The following ADCY2 variants were observed in gnomAD, a reference collection of about 807,000 sequenced individuals.
The protein encoded by ADCY2 is adenylate cyclase type 2.
Under a neutral mutation model 125.2 loss-of-function variants are expected in ADCY2, and 31 were observed. That is an observed-to-expected ratio of 0.25 (90% CI 0.19 to 0.33). The LOEUF (loss-of-function observed/expected upper bound fraction) is 0.33, where lower values mean the gene tolerates loss of function less well. Ranked by LOEUF, ADCY2 falls within the 10% of genes least tolerant of loss-of-function variation. The probability of loss-of-function intolerance (pLI) is 1.00; values close to 1 mark genes in which losing one functional copy is unlikely to be tolerated. For synonymous variants in ADCY2, 512 were observed against 548.4 expected (o/e 0.93, Z 0.93); for missense variants, 904 against 1,418.2 (o/e 0.64, Z 5.82).
At chr5:7,558,769 C>G (rs1157439591) in intron 3 of ADCY2, among the ~76,000 whole-genome samples, 1 of 152,124 alleles carries the variant, frequency 6.6e-6, no homozygotes, top group Admixed American at 6.5e-5. Flanking sequence ...TTTCTATGGC[C>G]AGAATGGTAT....
At chr5:7,405,338 G>A (rs930278341) in intron 1 of ADCY2, among the ~76,000 whole-genome samples, 1 of 150,498 alleles carries the variant, frequency 6.6e-6, no homozygotes, top group Non-Finnish European at 1.5e-5. Flanking sequence ...AATTATGTGG[G>A]TCAGGTCTTG....
chr5:7,731,881 G>T (rs1239149785), intron 14 of ADCY2, among the ~76,000 whole-genome samples: 1 of 152,204 alleles, frequency 6.6e-6, no homozygotes, highest in Non-Finnish European at 1.5e-5. Context: ...GGGATTACAG[G>T]TGTGAGCCAC....
chr5:7,406,568 G>A (rs1275583096), intron 1 of ADCY2, among the ~76,000 whole-genome samples: 1 of 152,198 alleles, frequency 6.6e-6, no homozygotes, highest in Admixed American at 6.5e-5. Flanking sequence ...TTAGGAGATA[G>A]TCCCCTTTTC....
In ADCY2 at chr5:7,520,866, A is replaced by G. The variant is rs1360134010; in HGVS notation, c.537A>G (p.Ala179=). 5 of 1,614,160 alleles carry G rather than the reference A, an allele frequency of 3.1e-6. No individual in the cohort carries two copies. Among genetic ancestry groups the G allele is most frequent in the Non-Finnish European group, 4.2e-6 (5 of 1,180,028 alleles). The change falls in exon 3 of 25, where the codon GCA becomes GCG. Residue 179 remains alanine, a synonymous_variant. Coordinates refer to ENST00000338316, the MANE Select transcript of ADCY2 (RefSeq NM_020546.3). ...TCGTGCTTAGCGTCTGCCTGTCTGC[A>G]ACACCGGGAGGCAAGGAGCACCTGG... ...HTIVLSVCLS[A]TPGGKEHLVW...
intron 2 of ADCY2, among the ~76,000 whole-genome samples, chr5:7,444,937 C>G (rs570194010): frequency 6.6e-6 from 1 of 152,078 alleles, no homozygotes; most frequent in Admixed American, 6.5e-5. Flanking sequence ...TGGTCTTGCC[C>G]GTTATTGGAT....
intron 4 of ADCY2, among the ~76,000 whole-genome samples, chr5:7,678,227 C>G (rs1218350029): frequency 6.6e-6 from 1 of 152,076 alleles, no homozygotes; most frequent in African/African-American, 2.4e-5. Flanking sequence ...TATTCATTCC[C>G]TTTTTGGCTC....
chr5:7,770,529 A>G (rs945451556), intron 17 of ADCY2, among the ~76,000 whole-genome samples: 2 of 152,228 alleles, frequency 1.3e-5, no homozygotes, highest in Non-Finnish European at 2.9e-5. Flanking sequence ...AGAATTTACA[A>G]GCTTCTCATG....
intron 2 of ADCY2, among the ~76,000 whole-genome samples, chr5:7,430,554 T>TGATATACTATATATATATAGTATATC (rs1561021458): frequency 1.6e-4 from 24 of 148,032 alleles, no homozygotes; most frequent in Admixed American, 5.4e-4. Context: ...TATAGTATAT[T>TGATATACTATATATATATAGTATATC]GATATACTAT....
At chr5:7,603,735 A>G (rs1737295903) in intron 3 of ADCY2, among the ~76,000 whole-genome samples, 1 of 97,866 alleles carries the variant, frequency 1.0e-5, no homozygotes, top group Admixed American at 1.1e-4. Context: ...AGGTTCCAGT[A>G]TGGCATCTGC....
chr5:7,445,134 G>A (rs1211249562), intron 2 of ADCY2, among the ~76,000 whole-genome samples: 1 of 152,128 alleles, frequency 6.6e-6, no homozygotes, highest in Non-Finnish European at 1.5e-5. Context: ...AGTGTGTTTG[G>A]AGACATATTT....
chr5:7,661,914 T>C (rs1458127547), intron 4 of ADCY2, among the ~76,000 whole-genome samples: 3 of 152,220 alleles, frequency 2.0e-5, no homozygotes, highest in Non-Finnish European at 4.4e-5. Flanking sequence ...ACATTTCTAA[T>C]TGCATGCTTT....
chr5:7,499,654 T>TATAC (rs1342200337), intron 2 of ADCY2, among the ~76,000 whole-genome samples: 2 of 38,156 alleles, frequency 5.2e-5, no homozygotes, highest in African/African-American at 9.8e-5. Flanking sequence ...GGTGGATATA[T>TATAC]ATATATATAT....
At chr5:7,779,306 A>G (rs1207436995) in intron 18 of ADCY2, among the ~76,000 whole-genome samples, 1 of 152,206 alleles carries the variant, frequency 6.6e-6, no homozygotes, top group Admixed American at 6.5e-5. Flanking sequence ...CTCGATATTT[A>G]GGCTCTTTTG....
chr5:7,425,076 C>T (rs1166204838), intron 2 of ADCY2, among the ~76,000 whole-genome samples: 1 of 152,156 alleles, frequency 6.6e-6, no homozygotes, highest in Non-Finnish European at 1.5e-5. Context: ...TTGAAGCCTG[C>T]CCAGTGCTGC....
At position 7,678,860 on chromosome 5, in the gene ADCY2, C is replaced by A. The variant is rs115871435; in HGVS notation, c.721-11831C>A. On this transcript the variant is annotated intron_variant, in intron 4 of 24. Transcript: ENST00000338316. Reference sequence around the variant, plus strand: ...CTCCTGGCTTCTGTCATTGAAAAATCAGATTATTTAATGAGTTCCTCAGTG... The same window carrying A: ...CTCCTGGCTTCTGTCATTGAAAAATAAGATTATTTAATGAGTTCCTCAGTG... Among the ~76,000 whole-genome samples the A allele has an allele frequency of 7.9e-3, 1,202 of 152,342 alleles. 14 individuals are homozygous for A. The highest frequency in any genetic ancestry group is 0.028 in the African/African-American group (1,149 of 41,580).
chr5:7,479,008 C>CT (rs1034521605), intron 2 of ADCY2, among the ~76,000 whole-genome samples: 2 of 152,010 alleles, frequency 1.3e-5, no homozygotes, highest in Non-Finnish European at 2.9e-5. Context: ...AAAGGCATAA[C>CT]TTTTTTCGCT....
intron 14 of ADCY2, among the ~76,000 whole-genome samples, chr5:7,727,875 C>T (rs944893843): frequency 7.2e-5 from 11 of 152,086 alleles, no homozygotes; most frequent in East Asian, 3.9e-4. Context: ...TGGTGAAAAA[C>T]GAATCGCTTT....
chr5:7,532,662 T>C, intron 3 of ADCY2, among the ~76,000 whole-genome samples: 1 of 152,254 alleles, frequency 6.6e-6, no homozygotes, highest in South Asian at 2.1e-4. Context: ...TTTGTTTTTG[T>C]TTTTTTAAGT....
chr5:7,757,602 C>CCGTGTTCAACATGGTAAGCCCCATAGCAT lies in ADCY2; in HGVS notation c.2094+16_2094+17insCGTGTTCAACATGGTAAGCCCCATAGCAT, dbSNP rs1335636573. On this transcript the variant is annotated intron_variant, in intron 16 of 24. Transcript: ENST00000338316. ...GTTCAACATGGTAAGTCCCAGAGCA[C>CCGTGTTCAACATGGTAAGCCCCATAGCAT]GGCCGTGTTCAACATGGTAAGCCCC... The CCGTGTTCAACATGGTAAGCCCCATAGCAT allele has an allele frequency of 6.6e-7, 1 of 1,519,800 alleles. No homozygotes were observed. Among genetic ancestry groups the CCGTGTTCAACATGGTAAGCCCCATAGCAT allele is most frequent in the Non-Finnish European group, 8.9e-7 (1 of 1,117,564 alleles). 94.1% of individuals were successfully genotyped at this position (1,519,800 alleles called of 1,614,324 possible).
Sources: allele counts gnomAD v4.1 joint callset (sites outside exome capture counted in the v4.1 genomes callset), GRCh38; gene constraint gnomAD v4.1.1; transcripts MANE v1.5; gene names NCBI Gene and HGNC (gene_info 2026-07-23, HGNC 2026-07-21).